LIG1: variants seen among roughly 807,000 people sequenced by gnomAD.
The protein encoded by LIG1 is DNA ligase 1.
In LIG1, 70 loss-of-function variants were observed where a neutral mutation model predicts 115.7. The observed-to-expected ratio is 0.60, with a 90% CI of 0.50 to 0.74. LIG1 has a LOEUF of 0.74. Among genes scored for constraint, LIG1 ranks in the 30% least tolerant of loss-of-function variants. The pLI is 0.00. For missense variants in LIG1, 1,115 were observed against 1,225.6 expected, an observed-to-expected ratio of 0.91 and a Z score of 1.35; for synonymous variants, 487 against 495.3, an observed-to-expected ratio of 0.98 and a Z score of 0.22.
At position 48,143,584 on chromosome 19, in the gene LIG1, A is replaced by G. The variant is rs1477046732; in HGVS notation, c.873T>C (p.Ala291=). ...WKPGQKVPYL[A]VARTFEKIEE... ...CGATCTTCTCAAACGTCCGGGCCAC[A>G]GCCAGGTAAGGAACCCTAGGGAAGG... is the stretch of plus-strand genomic sequence containing the variant. Residue 291 remains alanine, a synonymous_variant, in exon 11 of 28, where the codon GCT becomes GCC. Coordinates refer to ENST00000263274, the MANE Select transcript of LIG1 (RefSeq NM_000234.3). 21 of 1,606,260 alleles carry G rather than the reference A, an allele frequency of 1.3e-5. No individual in the cohort carries two copies. Among genetic ancestry groups the G allele is most frequent in the Non-Finnish European group, 1.7e-5 (20 of 1,177,026 alleles).
At chr19:48,153,281 T>C (rs2035591654) in intron 6 of LIG1, among the ~76,000 whole-genome samples, 1 of 150,902 alleles carries the variant, frequency 6.6e-6, no homozygotes. Flanking sequence ...AACTACTTAA[T>C]AGAACTGATA....
At position 48,133,018 on chromosome 19, in the gene LIG1, G is replaced by A. The variant is rs757915953; in HGVS notation, c.1689C>T (p.Phe563=). 9.3e-6 allele frequency: 15 copies of A among 1,613,916 alleles called. No homozygotes were observed. Among genetic ancestry groups the A allele is most frequent in the Non-Finnish European group, 9.3e-6 (11 of 1,179,928 alleles). Residue 563 remains phenylalanine, a synonymous_variant, in exon 18 of 28, where the codon TTC becomes TTT. Coordinates refer to ENST00000263274, the MANE Select transcript of LIG1 (RefSeq NM_000234.3). ...EVLKRFEEAA[F]TCEYKYDGQR... is the part of the protein sequence containing the mutation. ...GCCCGTCATATTTGTATTCGCAGGTGAAAGCTGCCTCCTCAAAGCGTTTCA... is the reference window on the plus strand; with the variant it reads ...GCCCGTCATATTTGTATTCGCAGGTAAAAGCTGCCTCCTCAAAGCGTTTCA...
In LIG1 at chr19:48,161,451, C is replaced by T. The variant is rs774048956; in HGVS notation, c.164G>A (p.Arg55Lys). The change falls in exon 4 of 28, where the codon AGG (arginine) becomes AAG (lysine). Residue 55 changes from arginine (R) to lysine (K), a missense_variant. Arg to Lys is a conservative substitution (Grantham distance 26). Transcript: ENST00000263274. The part of the protein sequence containing the change: ...VVSESDSPVK[R>K]PGRKAARVLG... The stretch of plus-strand genomic sequence containing the variant: ...GACCCGGGCCGCCTTCCTCCCTGGC[C>T]TCTTCACCGGAGAGTCACTCTCGGA... 1 of 1,614,194 alleles carries T rather than the reference C, an allele frequency of 6.2e-7. No individual in the cohort carries two copies. Among genetic ancestry groups the T allele is most frequent in the Non-Finnish European group, 8.5e-7 (1 of 1,180,036 alleles).
At chr19:48,159,557 GA>G (rs1428395633) in intron 4 of LIG1, among the ~76,000 whole-genome samples, 1 of 152,202 alleles carries the variant, frequency 6.6e-6, no homozygotes, top group African/African-American at 2.4e-5. Context: ...CTAATCAGCT[GA>G]CCTTCCGATA....
At chr19:48,131,202 A>T (rs369794091) in intron 18 of LIG1, 31 bp from the exon 19 acceptor site, 24 of 1,537,768 alleles carry the variant, frequency 1.6e-5, no homozygotes, top group Non-Finnish European at 2.1e-5. Context: ...AGGGGAAATC[A>T]GCTGAGTCCC....
At chr19:48,167,451 C>A (rs1418506924) in intron 1 of LIG1, among the ~76,000 whole-genome samples, 2 of 152,158 alleles carry the variant, frequency 1.3e-5, no homozygotes, top group Admixed American at 6.6e-5. Context: ...TGTCCCGCAC[C>A]ACACGCCTCT....
chr19:48,150,303 C>A (rs1284520466), intron 7 of LIG1, 93 bp from the exon 8 acceptor site: 2 of 1,570,114 alleles, frequency 1.3e-6, no homozygotes, highest in South Asian at 1.1e-5. Context: ...TCTGACCCTG[C>A]AGATGGAAGA....
In LIG1 at chr19:48,127,332, T is replaced by G. The variant is rs763838510; in HGVS notation, c.1949A>C (p.Glu650Ala). The G allele has an allele frequency of 7.4e-6, 12 of 1,613,514 alleles. No homozygotes were observed. The South Asian group carries it at 1.3e-4, about 18-fold the overall frequency. The change falls in exon 21 of 28, where the codon GAG becomes GCG. Residue 650 changes from glutamate to alanine, a missense_variant. Glu to Ala is a moderately radical substitution (Grantham distance 107). Coordinates refer to ENST00000263274, the MANE Select transcript of LIG1 (RefSeq NM_000234.3). ...GTACAAACACACCTGCACCTGGATC[T>G]CAGACGCATCCACCTCCTGGGTTGG... ...TRKRKEVDAS[E>A]IQVQVCLYAF... is the part of the protein sequence containing the mutation.
At chr19:48,165,697 T>A in intron 1 of LIG1, 74 bp from the exon 2 acceptor site, 1 of 1,074,028 alleles carries the variant, frequency 9.3e-7, no homozygotes, top group Middle Eastern at 2.0e-4. Context: ...AACCCTTTCT[T>A]TAAGAAAGAA....
chr19:48,141,581 G>A (rs1275831331), intron 11 of LIG1, among the ~76,000 whole-genome samples: 1 of 152,208 alleles, frequency 6.6e-6, no homozygotes, highest in African/African-American at 2.4e-5. Context: ...AAGCTGAGAT[G>A]TACACCAAGG....
intron 21 of LIG1, among the ~76,000 whole-genome samples, chr19:48,125,987 CA>C (rs56362940): frequency 0.57 from 60,598 of 105,594 alleles, 15,372 homozygotes; most frequent in East Asian, 0.81. Flanking sequence ...GACTCCATCT[CA>C]AAAAAAAAAA....
chr19:48,134,157 G>T, intron 16 of LIG1, 91 bp from the exon 17 acceptor site: 1 of 1,167,078 alleles, frequency 8.6e-7, no homozygotes, highest in Non-Finnish European at 1.2e-6. Context: ...AGAAGCCTGG[G>T]CTCCTGGATG....
chr19:48,120,669 T>C (rs1162248429), intron 24 of LIG1: 29 of 600,062 alleles, frequency 4.8e-5, no homozygotes, highest in Non-Finnish European at 6.1e-5. Flanking sequence ...GCAGAAGGTG[T>C]TCACTGGCTG....
Position 48,115,957 on chromosome 19 carries a change from A to G in LIG1, c.2592T>C (p.Ser864=), listed in dbSNP as rs1223643058. 1 of 1,613,456 alleles carries G rather than the reference A, an allele frequency of 6.2e-7. No homozygotes were observed. Among genetic ancestry groups the G allele is most frequent in the East Asian group, 2.2e-5 (1 of 44,864 alleles). ...IYPAARGLVD[S]DKGISLRFPR... ...GGAAGCGAAGGGAGATGCCCTTGTC[A>G]CTATCCACCTGCGGAAGCGGGATGG... The change falls in exon 27 of 28, where the codon AGT becomes AGC. Residue 864 remains serine, a synonymous_variant. Transcript: ENST00000263274.
At chr19:48,143,683 C>T in intron 10 of LIG1, 84 bp from the exon 11 acceptor site, 2 of 1,259,122 alleles carry the variant, frequency 1.6e-6, no homozygotes, top group Non-Finnish European at 2.3e-6. Flanking sequence ...CCTCACGCCT[C>T]CTCGGGACAC....
At chr19:48,156,725 G>A (rs948444763) in intron 5 of LIG1, among the ~76,000 whole-genome samples, 12 of 151,952 alleles carry the variant, frequency 7.9e-5, no homozygotes, top group African/African-American at 2.2e-4. Context: ...GGCGGATCAC[G>A]AGGTCAGGAG....
At chr19:48,143,793 G>C (rs1178239705) in intron 10 of LIG1, 90 bp downstream of exon 10, 10 of 1,221,118 alleles carry the variant, frequency 8.2e-6, no homozygotes, top group Non-Finnish European at 1.2e-5. Flanking sequence ...GGAGAGACTT[G>C]ACCATTTCTC....
At chr19:48,150,407 C>G (rs897015440) in intron 7 of LIG1, among the ~76,000 whole-genome samples, 197 bp from the exon 8 acceptor site, 2 of 152,148 alleles carry the variant, frequency 1.3e-5, no homozygotes, top group African/African-American at 4.8e-5. Context: ...GGAATTCTAG[C>G]ACTTGGCCTG....
rs2032728960 is a variant in LIG1, at chr19:48,115,511, C to A, written c.*138G>T. The A allele has an allele frequency of 1.5e-6, 1 of 685,666 alleles. No individual in the cohort carries two copies. 42.5% of individuals were successfully genotyped at this position (685,666 alleles called of 1,614,324 possible). A position where few individuals can be genotyped will look rare whatever the true frequency, so the allele number is the denominator to read the frequency against. ...AATCCCAGACTCCGGAGTAAGCCAC[C>A]CCCTCACACACACACCCCTCCCCTG... is the stretch of plus-strand genomic sequence containing the variant. On this transcript the variant is annotated 3_prime_UTR_variant, in exon 28 of 28. Transcript: ENST00000263274.
Sources: gnomAD v4.1 joint callset for allele counts (sites outside exome capture counted in the v4.1 genomes callset) on GRCh38, gnomAD v4.1.1 for gene constraint, MANE v1.5 for transcripts, NCBI Gene and HGNC (gene_info 2026-07-23, HGNC 2026-07-21) for gene names.